MZT1: variants seen among roughly 807,000 people sequenced by gnomAD.
The protein encoded by MZT1 is mitotic-spindle organizing protein 1.
In MZT1, 8 loss-of-function variants were observed where a neutral mutation model predicts 8.5. The observed-to-expected ratio is 0.94, with a 90% CI of 0.55 to 1.70. MZT1 has a LOEUF of 1.70. Among genes scored for constraint, MZT1 ranks in the 40% most tolerant of loss-of-function variants. The pLI, the probability that MZT1 is intolerant of heterozygous loss-of-function variation, is 0.00. For synonymous variants in MZT1, 38 were observed against 42.0 expected, an observed-to-expected ratio of 0.90 and a Z score of 0.37; for missense variants, 93 against 108.6, an observed-to-expected ratio of 0.86 and a Z score of 0.64.
intron 2 of MZT1, among the ~76,000 whole-genome samples, chr13:72,715,575 G>C (rs904808765): frequency 1.3e-5 from 2 of 152,158 alleles, no homozygotes; most frequent in African/African-American, 4.8e-5. Context: ...TTCCAATGTT[G>C]TAATCTCCAT....
At chr13:72,721,724 T>C (rs2032595358) in intron 1 of MZT1, among the ~76,000 whole-genome samples, 1 of 152,240 alleles carries the variant, frequency 6.6e-6, no homozygotes, top group Non-Finnish European at 1.5e-5. Flanking sequence ...AAGGGATCAC[T>C]GTACTCTGAT....
intron 2 of MZT1, among the ~76,000 whole-genome samples, chr13:72,718,333 C>A (rs1355397718): frequency 6.6e-6 from 1 of 152,204 alleles, no homozygotes; most frequent in African/African-American, 2.4e-5. Flanking sequence ...GGCATTATTT[C>A]TAAATAAGGT....
In MZT1 at chr13:72,727,542, C is replaced by T; in HGVS notation, c.61G>A (p.Val21Met). 1 of 1,613,222 alleles carries T rather than the reference C, an allele frequency of 6.2e-7. No homozygotes were observed. Among genetic ancestry groups the T allele is most frequent in the Non-Finnish European group, 8.5e-7 (1 of 1,179,676 alleles). Residue 21 changes from valine to methionine, a missense_variant, in exon 1 of 3, where the codon GTG (valine) becomes ATG (methionine). By Grantham distance (21) the Val-to-Met change is conservative. Coordinates refer to ENST00000377818, the MANE Select transcript of MZT1 (RefSeq NM_001071775.3). The part of the protein sequence containing the change: ...AAAAAANLNA[V>M]RETMDVLLEI... ...AACTCACCGTCCATGGTCTCCCGCA[C>T]CGCATTCAGATTCGCCGCCGCGGCC...
intron 1 of MZT1, among the ~76,000 whole-genome samples, chr13:72,719,708 C>T (rs777512521): frequency 1.3e-5 from 2 of 152,084 alleles, no homozygotes; most frequent in Admixed American, 1.3e-4. Flanking sequence ...AATTTGACAG[C>T]GTAATCATGT....
Position 72,727,520 on chromosome 13 carries a change from T to C in MZT1, c.79+4A>G, listed in dbSNP as rs376939061. ...AAGGTAAAGGGAGCGCAACGGAAAC[T>C]CACCGTCCATGGTCTCCCGCACCGC... is the stretch of plus-strand genomic sequence containing the variant. On this transcript the variant is annotated splice_donor_region_variant and intron_variant, in intron 1 of 2. Coordinates refer to ENST00000377818, the MANE Select transcript of MZT1 (RefSeq NM_001071775.3). 8.0e-5 allele frequency: 129 copies of C among 1,613,494 alleles called. No individual in the cohort carries two copies. The highest frequency in any genetic ancestry group is 1.1e-4 in the Non-Finnish European group (125 of 1,179,732).
chr13:72,720,312 T>A (rs1303822631), intron 1 of MZT1, among the ~76,000 whole-genome samples: 7 of 152,228 alleles, frequency 4.6e-5, no homozygotes, highest in Non-Finnish European at 7.3e-5. Flanking sequence ...ATATTGCATG[T>A]AGTAGGGTAA....
chr13:72,716,080 C>T (rs895796815), intron 2 of MZT1, among the ~76,000 whole-genome samples: 28 of 151,966 alleles, frequency 1.8e-4, no homozygotes, highest in African/African-American at 5.6e-4. Context: ...TAATGCCTGG[C>T]TAATTTTTTT....
intron 2 of MZT1, among the ~76,000 whole-genome samples, chr13:72,716,631 G>A (rs1024651468): frequency 6.6e-6 from 1 of 152,106 alleles, no homozygotes; most frequent in Non-Finnish European, 1.5e-5. Flanking sequence ...CCGTCTCTAT[G>A]AGCCCATGTT....
chr13:72,718,127 G>A (rs1333482373), intron 2 of MZT1, among the ~76,000 whole-genome samples: 4 of 152,152 alleles, frequency 2.6e-5, no homozygotes, highest in Admixed American at 6.5e-5. Flanking sequence ...TAACCAAGGC[G>A]TTAGCTGGGT....
chr13:72,715,179 A>G (rs2032522879), intron 2 of MZT1, among the ~76,000 whole-genome samples: 1 of 152,224 alleles, frequency 6.6e-6, no homozygotes. Flanking sequence ...TGGGACACAG[A>G]GTCAAAGGAG....
In MZT1 at chr13:72,720,829, G is replaced by A. The variant is rs183109693; in HGVS notation, c.80-1732C>T. 4.6e-4 allele frequency among the ~76,000 whole-genome samples: 70 copies of A among 152,188 alleles called. No homozygotes were observed. The Middle Eastern group carries it at 0.01, about 22-fold the overall frequency. ...CTTGAACCCGGGAAGTAAAGGTTGC[G>A]GTGAGCCGAGATTGCGCCATTGCAC... is the stretch of plus-strand genomic sequence containing the variant. On this transcript the variant is annotated intron_variant, in intron 1 of 2. Coordinates refer to ENST00000377818, the MANE Select transcript of MZT1 (RefSeq NM_001071775.3).
At position 72,719,100 on chromosome 13, in the gene MZT1, G is replaced by T; in HGVS notation, c.80-3C>A. ...AATTCTTGAAATCTCAAGCAGAACT[G>T]AAAAAAGATACAAAAAAAAAAAAAA... On this transcript the variant is annotated splice_region_variant and splice_polypyrimidine_tract_variant and intron_variant, in intron 1 of 2. Coordinates refer to ENST00000377818, the MANE Select transcript of MZT1 (RefSeq NM_001071775.3). The T allele has an allele frequency of 1.5e-6, 2 of 1,303,976 alleles. No homozygotes were observed. The highest frequency in any genetic ancestry group is 3.3e-5 in the Admixed American group (1 of 30,286). The allele number at this position is 1,303,976 out of a possible 1,614,324, so 80.8% of individuals were successfully genotyped here. A position where few individuals can be genotyped will look rare whatever the true frequency, so the allele number is the denominator to read the frequency against.
chr13:72,713,026 C>G (rs2032503031), intron 2 of MZT1, among the ~76,000 whole-genome samples: 1 of 152,086 alleles, frequency 6.6e-6, no homozygotes, highest in East Asian at 1.9e-4. Flanking sequence ...CATGCTAAAG[C>G]CCAAGGACTC....
chr13:72,727,628 A>C lies in MZT1; in HGVS notation c.-26T>G. The C allele has an allele frequency of 1.3e-6, 2 of 1,566,378 alleles. No individual in the cohort carries two copies. The highest frequency in any genetic ancestry group is 1.7e-6 in the Non-Finnish European group (2 of 1,154,994). ...GGCTAAGGCCGAGGGAGGCGGGAGA[A>C]GGGCCTGACCCGGAACTGGAGCGCC... On this transcript the variant is annotated 5_prime_UTR_variant, in exon 1 of 3. Transcript: ENST00000377818.
At chr13:72,715,857 T>G (rs1053258527) in intron 2 of MZT1, among the ~76,000 whole-genome samples, 3 of 152,182 alleles carry the variant, frequency 2.0e-5, no homozygotes, top group Non-Finnish European at 4.4e-5. Context: ...CTATACAGCC[T>G]GCAGAACTAT....
At position 72,719,271 on chromosome 13, in the gene MZT1, TTAAATA is replaced by T. The variant is rs576761949; in HGVS notation, c.80-180_80-175del. 2.5e-3 allele frequency among the ~76,000 whole-genome samples: 376 copies of T among 152,300 alleles called. 1 individual carries two copies. Among genetic ancestry groups the T allele is most frequent in the African/African-American group, 8.7e-3 (360 of 41,568 alleles). On this transcript the variant is annotated intron_variant, in intron 1 of 2. Coordinates refer to ENST00000377818, the MANE Select transcript of MZT1 (RefSeq NM_001071775.3). The stretch of plus-strand genomic sequence containing the variant: ...CTTGCCTTTACTTAGTTTTAGAAAC[TTAAATA>T]TAAATATAAACTTACACCTTCCCTT...
At chr13:72,721,602 TA>T (rs1272170240) in intron 1 of MZT1, among the ~76,000 whole-genome samples, 1 of 152,214 alleles carries the variant, frequency 6.6e-6, no homozygotes, top group Non-Finnish European at 1.5e-5. Context: ...AAACTCCTCC[TA>T]CTCACTTCAG....
intron 1 of MZT1, among the ~76,000 whole-genome samples, chr13:72,726,995 C>T (rs1035153931): frequency 3.3e-5 from 5 of 152,196 alleles, no homozygotes; most frequent in African/African-American, 1.2e-4. Flanking sequence ...ATAATTATGA[C>T]CAAAGGGGAA....
intron 2 of MZT1, among the ~76,000 whole-genome samples, chr13:72,715,029 C>T (rs947042710): frequency 6.6e-6 from 1 of 152,178 alleles, no homozygotes; most frequent in African/African-American, 2.4e-5. Flanking sequence ...ACAGCTTGTA[C>T]CCTGAGCCTT....
Sources: allele counts gnomAD v4.1 joint callset (sites outside exome capture counted in the v4.1 genomes callset), GRCh38; gene constraint gnomAD v4.1.1; transcripts MANE v1.5; gene names NCBI Gene and HGNC (gene_info 2026-07-23, HGNC 2026-07-21).